The following NEO1 variants were observed in gnomAD, a reference collection of about 807,000 sequenced individuals.
NEO1 encodes the protein neogenin.
A neutral mutation model predicts 159.7 loss-of-function variants in NEO1; 63 were observed. That is an observed-to-expected ratio of 0.39 (90% CI 0.32 to 0.49). NEO1 has a LOEUF of 0.49. Among genes scored for constraint, NEO1 ranks in the 20% least tolerant of loss-of-function variants. The pLI, the probability that NEO1 is intolerant of heterozygous loss-of-function variation, is 0.85. For synonymous variants in NEO1, 633 were observed against 662.0 expected, an observed-to-expected ratio of 0.96 and a Z score of 0.67; for missense variants, 1,615 against 1,831.0, an observed-to-expected ratio of 0.88 and a Z score of 2.15.
rs1343687861 is a variant in NEO1, at chr15:73,130,228, C to T, written c.878+3658C>T. On this transcript the variant is annotated intron_variant, in intron 4 of 28. Transcript: ENST00000261908. ...GCCTCAAGTGATCCACCAATCTTGG[C>T]CTCCCAAAATGCTGGGATTACAGAT... Among the ~76,000 whole-genome samples, 5 of 152,098 alleles carry T rather than the reference C, an allele frequency of 3.3e-5. No homozygotes were observed. In the East Asian group the frequency reaches 9.7e-4, roughly 29 times the overall value.
intron 7 of NEO1, among the ~76,000 whole-genome samples, chr15:73,194,972 G>C (rs1167667500): frequency 6.6e-6 from 1 of 152,142 alleles, no homozygotes; most frequent in Non-Finnish European, 1.5e-5. Context: ...GCTTTGAAGA[G>C]GTAGACATAT....
At chr15:73,131,770 C>T (rs1277968044) in intron 4 of NEO1, among the ~76,000 whole-genome samples, 1 of 152,194 alleles carries the variant, frequency 6.6e-6, no homozygotes, top group African/African-American at 2.4e-5. Context: ...AGGTTAAGGA[C>T]CCAAATTCTT....
At chr15:73,078,974 T>C (rs68000913) in intron 1 of NEO1, among the ~76,000 whole-genome samples, 13,197 of 152,308 alleles carry the variant, frequency 0.087, 661 homozygotes, top group Non-Finnish European at 0.1. Flanking sequence ...CTAAACAGTG[T>C]GGTTTTCCCT....
At chr15:73,155,835 T>C in intron 5 of NEO1, among the ~76,000 whole-genome samples, 1 of 152,254 alleles carries the variant, frequency 6.6e-6, no homozygotes, top group East Asian at 1.9e-4. Context: ...GATAAATTTC[T>C]CATTGGTATC....
intron 25 of NEO1, among the ~76,000 whole-genome samples, chr15:73,289,961 A>T (rs2042097338): frequency 6.6e-6 from 1 of 151,890 alleles, no homozygotes; most frequent in South Asian, 2.1e-4. Flanking sequence ...AAAAAAATAA[A>T]AAAAATAAAG....
chr15:73,233,851 A>G (rs560202269), intron 7 of NEO1, among the ~76,000 whole-genome samples: 51 of 152,252 alleles, frequency 3.3e-4, no homozygotes, highest in Middle Eastern at 6.8e-3. Flanking sequence ...GAGCTTCCAC[A>G]TGCACTTTTC....
At chr15:73,249,011 G>A in intron 9 of NEO1, 49 bp from the exon 10 acceptor site, 1 of 1,590,212 alleles carries the variant, frequency 6.3e-7, no homozygotes, top group Non-Finnish European at 8.6e-7. Flanking sequence ...GGTTATTGAG[G>A]AGTGTAGCAT....
chr15:73,076,331 G>A (rs2068764107), intron 1 of NEO1, among the ~76,000 whole-genome samples: 1 of 152,094 alleles, frequency 6.6e-6, no homozygotes, highest in African/African-American at 2.4e-5. Context: ...CTGCTCTTAA[G>A]GTGTTTGTAA....
chr15:73,095,358 G>C (rs1029695237), intron 1 of NEO1, among the ~76,000 whole-genome samples: 4 of 152,174 alleles, frequency 2.6e-5, no homozygotes, highest in Admixed American at 2.6e-4. Flanking sequence ...GACAGCAACT[G>C]TGTGTAGCCT....
Position 73,303,793 on chromosome 15 carries a change from CAGAAT to C in NEO1, c.*1100_*1104del, listed in dbSNP as rs1322676086. 6.6e-6 allele frequency: 1 copy of C among 152,228 alleles called. No individual in the cohort carries two copies. Among genetic ancestry groups the C allele is most frequent in the Non-Finnish European group, 1.5e-5 (1 of 68,056 alleles). The allele number at this position is 152,228 out of a possible 1,614,324, so 9.4% of individuals were successfully genotyped here. A position where few individuals can be genotyped will look rare whatever the true frequency, so the allele number is the denominator to read the frequency against. On this transcript the variant is annotated 3_prime_UTR_variant, in exon 29 of 29. Transcript: ENST00000261908. ...TGTATTTCTAACTGCCTGAGTCACA[CAGAAT>C]AGGGTAAGAGCCTGACCCCATTCTG...
At chr15:73,202,466 ATC>A (rs1259517512) in intron 7 of NEO1, among the ~76,000 whole-genome samples, 20 of 152,276 alleles carry the variant, frequency 1.3e-4, no homozygotes, top group Admixed American at 6.5e-4. Flanking sequence ...TAAGAGGAGC[ATC>A]TGTTATCTGC....
intron 5 of NEO1, among the ~76,000 whole-genome samples, chr15:73,174,540 G>A (rs1469814731): frequency 6.6e-6 from 1 of 152,108 alleles, no homozygotes; most frequent in African/African-American, 2.4e-5. Context: ...GATCATTATT[G>A]GGTCTTTCAC....
intron 7 of NEO1, among the ~76,000 whole-genome samples, chr15:73,201,074 C>T (rs2036854421): frequency 6.6e-6 from 1 of 151,974 alleles, no homozygotes; most frequent in African/African-American, 2.4e-5. Context: ...TTCTTTTTCC[C>T]TTGGTGCCTG....
intron 7 of NEO1, among the ~76,000 whole-genome samples, chr15:73,201,949 T>A: frequency 6.8e-6 from 1 of 146,514 alleles, no homozygotes; most frequent in Non-Finnish European, 1.5e-5. Flanking sequence ...GCAAGCTATA[T>A]CATTCTTTTT....
chr15:73,233,796 T>A (rs1006875595), intron 7 of NEO1, among the ~76,000 whole-genome samples: 4 of 152,176 alleles, frequency 2.6e-5, no homozygotes, highest in Non-Finnish European at 5.9e-5. Flanking sequence ...GAAATCCTTA[T>A]GTTGTTACTC....
chr15:73,127,811 T>G (rs1261958429), intron 4 of NEO1, among the ~76,000 whole-genome samples: 1 of 152,198 alleles, frequency 6.6e-6, no homozygotes, highest in East Asian at 1.9e-4. Flanking sequence ...TAACACAGCT[T>G]TAGCTTGTAC....
intron 25 of NEO1, among the ~76,000 whole-genome samples, chr15:73,291,062 A>G (rs1326939153): frequency 6.6e-6 from 1 of 152,306 alleles, no homozygotes; most frequent in East Asian, 1.9e-4. Context: ...ATGGAAAGAA[A>G]AGCCTGGACT....
intron 8 of NEO1, among the ~76,000 whole-genome samples, chr15:73,239,142 GC>G (rs2039360711): frequency 6.6e-6 from 1 of 152,104 alleles, no homozygotes; most frequent in Admixed American, 6.6e-5. Context: ...ACTGTGCCTG[GC>G]CAAGTTATCA....
At chr15:73,298,233 C>T (rs1322102616) in intron 26 of NEO1, 115 bp from the exon 27 acceptor site, 2 of 1,277,584 alleles carry the variant, frequency 1.6e-6, no homozygotes, top group South Asian at 2.8e-5. Context: ...TGGACTAGCA[C>T]TGATCGCAAG....
Sources: allele counts gnomAD v4.1 joint callset (sites outside exome capture counted in the v4.1 genomes callset), GRCh38; gene constraint gnomAD v4.1.1; transcripts MANE v1.5; gene names NCBI Gene and HGNC (gene_info 2026-07-23, HGNC 2026-07-21).